Variants in AKAP19 observed in about 807,000 individuals in gnomAD.
AKAP19 encodes A-kinase anchoring protein 19, also known as small A-kinase anchoring protein.
the AKAP19 span, chr2:190,180,318 G>A: frequency 3.0e-6 from 1 of 328,066 alleles, no homozygotes; most frequent in African/African-American, 2.2e-5. The surrounding 1 kb of genome is among the most constrained non-coding windows in gnomAD (Gnocchi z 6.8). Flanking sequence ...CCTGCAGGCG[G>A]GCTCAGTGCC....
the AKAP19 span, among the ~76,000 whole-genome samples, chr2:190,187,863 A>T: frequency 2.0e-5 from 3 of 152,128 alleles, no homozygotes; most frequent in African/African-American, 7.2e-5. Context: ...TAGGAGAAAA[A>T]AGGTGGGTAG....
chr2:190,008,730 G>GCACA, the AKAP19 span, among the ~76,000 whole-genome samples: 55 of 120,684 alleles, frequency 4.6e-4, no homozygotes, highest in South Asian at 1.4e-3. Context: ...ATGTGCACGT[G>GCACA]CACACACACA....
the AKAP19 span, chr2:190,062,637 C>A: frequency 1.9e-6 from 3 of 1,589,344 alleles, no homozygotes; most frequent in Non-Finnish European, 1.7e-6. Context: ...GTTCTTGTTT[C>A]TTCCTTTTAC....
the AKAP19 span, among the ~76,000 whole-genome samples, chr2:190,123,352 C>T: frequency 6.6e-6 from 1 of 151,946 alleles, no homozygotes; most frequent in South Asian, 2.1e-4. Context: ...TTTTATTTTA[C>T]CTGCAAAACT....
At chr2:189,943,447 C>T in the AKAP19 span, among the ~76,000 whole-genome samples, 1 of 152,212 alleles carries the variant, frequency 6.6e-6, no homozygotes, top group African/African-American at 2.4e-5. Flanking sequence ...TATGAGAAAC[C>T]CTGGGTGTCC....
At chr2:190,157,668 A>G in the AKAP19 span, among the ~76,000 whole-genome samples, 1 of 152,092 alleles carries the variant, frequency 6.6e-6, no homozygotes, top group African/African-American at 2.4e-5. Context: ...GGAAGGGGAG[A>G]CTATATCCAT....
At chr2:189,985,880 C>T in the AKAP19 span, among the ~76,000 whole-genome samples, 1 of 151,976 alleles carries the variant, frequency 6.6e-6, no homozygotes, top group Admixed American at 6.6e-5. Context: ...AATTGGCAAA[C>T]ATGTAGGTAA....
At chr2:189,924,228 G>T in the AKAP19 span, 1 of 1,506,622 alleles carries the variant, frequency 6.6e-7, no homozygotes, top group Admixed American at 1.7e-5. Context: ...CACATAGTGG[G>T]GTTTAGAAAT....
At chr2:190,056,218 C>G in the AKAP19 span, 1 of 152,362 alleles carries the variant, frequency 6.6e-6, no homozygotes, top group Non-Finnish European at 1.5e-5. Context: ...TGCCTTAGTA[C>G]TTAATTTGAA....
At chr2:189,976,342 T>C in the AKAP19 span, among the ~76,000 whole-genome samples, 1 of 152,196 alleles carries the variant, frequency 6.6e-6, no homozygotes, top group African/African-American at 2.4e-5. Flanking sequence ...TCTGAAAGCT[T>C]CGTCTCAGGG....
the AKAP19 span, among the ~76,000 whole-genome samples, chr2:190,065,218 G>C: frequency 1.9e-3 from 285 of 152,150 alleles, 1 homozygote; most frequent in Middle Eastern, 3.4e-3. Flanking sequence ...CTGACGTGCT[G>C]CGTGGTGTTC....
the AKAP19 span, among the ~76,000 whole-genome samples, chr2:190,150,880 A>G: frequency 6.6e-6 from 1 of 151,670 alleles, no homozygotes; most frequent in Non-Finnish European, 1.5e-5. Flanking sequence ...ATTTTGCCAG[A>G]TAGTTGAGGA....
the AKAP19 span, among the ~76,000 whole-genome samples, chr2:189,949,131 T>C: frequency 6.6e-6 from 1 of 152,162 alleles, no homozygotes; most frequent in Non-Finnish European, 1.5e-5. Flanking sequence ...CCCACAATCC[T>C]GTGAAAACCA....
At chr2:190,172,862 C>G in the AKAP19 span, among the ~76,000 whole-genome samples, 1 of 152,104 alleles carries the variant, frequency 6.6e-6, no homozygotes, top group Non-Finnish European at 1.5e-5. Context: ...CCTGGAATCC[C>G]AGCACTTTGG....
chr2:189,996,867 T>C, the AKAP19 span, among the ~76,000 whole-genome samples: 1 of 152,168 alleles, frequency 6.6e-6, no homozygotes, highest in Non-Finnish European at 1.5e-5. Context: ...CTTGCTTTTC[T>C]GGGTCTAGCC....
chr2:189,897,684 C>T, the AKAP19 span, among the ~76,000 whole-genome samples: 4 of 152,092 alleles, frequency 2.6e-5, no homozygotes, highest in African/African-American at 9.7e-5. Context: ...ATCTGAAAAA[C>T]TATCAGTGTA....
At chr2:190,097,225 CT>C in the AKAP19 span, among the ~76,000 whole-genome samples, 9 of 152,160 alleles carry the variant, frequency 5.9e-5, no homozygotes, top group Admixed American at 1.3e-4. Context: ...CTCCCTCCCC[CT>C]AACCCCTACC....
At chr2:189,904,857 T>C in the AKAP19 span, among the ~76,000 whole-genome samples, 1 of 152,042 alleles carries the variant, frequency 6.6e-6, no homozygotes, top group African/African-American at 2.4e-5. Context: ...AGTTTCTCAC[T>C]TAAGAAATGA....
At chr2:190,007,275 A>G in the AKAP19 span, among the ~76,000 whole-genome samples, 4 of 152,132 alleles carry the variant, frequency 2.6e-5, no homozygotes, top group African/African-American at 9.7e-5. Context: ...TCCATTTTCT[A>G]CTCTGTCCAA....
Sources: gnomAD v4.1 joint callset for allele counts (sites outside exome capture counted in the v4.1 genomes callset) on GRCh38, gnomAD v4.1.1 for gene constraint, Gnocchi (gnomAD v3.1) non-coding constraint, MANE v1.5 for transcripts, NCBI Gene and HGNC (gene_info 2026-07-23, HGNC 2026-07-21) for gene names.